The following IL1RAPL2 variants were observed in gnomAD, a reference collection of about 807,000 sequenced individuals.
IL1RAPL2 encodes X-linked interleukin-1 receptor accessory protein-like 2.
Under a neutral mutation model 44.1 loss-of-function variants are expected in IL1RAPL2, and 3 were observed. The observed-to-expected ratio is 0.07, with a 90% CI of 0.03 to 0.18. The LOEUF (loss-of-function observed/expected upper bound fraction) is 0.18. IL1RAPL2 is among the 10% of genes least tolerant of loss of function. The pLI is 1.00. For synonymous variants in IL1RAPL2, 181 were observed against 178.8 expected, an observed-to-expected ratio of 1.01 and a Z score of -0.10; for missense variants, 391 against 496.4, an observed-to-expected ratio of 0.79 and a Z score of 2.02.
At chrX:105,566,094 A>C (rs963199187) in intron 6 of IL1RAPL2, among the ~76,000 whole-genome samples, 9 of 111,302 alleles carry the variant, frequency 8.1e-5, no homozygotes, top group Non-Finnish European at 1.3e-4. Context: ...AGGAAAACAA[A>C]ACAAAGTGCT....
intron 6 of IL1RAPL2, among the ~76,000 whole-genome samples, chrX:105,503,470 A>G (rs1333339475): frequency 9.0e-6 from 1 of 111,702 alleles, no homozygotes; most frequent in Non-Finnish European, 1.9e-5. Flanking sequence ...AGAAAAAAGA[A>G]GGAAGCTGGC....
At chrX:104,943,077 G>T (rs1925235182) in intron 2 of IL1RAPL2, among the ~76,000 whole-genome samples, 1 of 111,412 alleles carries the variant, frequency 9.0e-6, no homozygotes, top group Admixed American at 9.6e-5. Flanking sequence ...TTTTTGATGT[G>T]CTGCTGGATT....
chrX:104,781,851 A>G (rs1932777074), intron 2 of IL1RAPL2, among the ~76,000 whole-genome samples: 1 of 111,842 alleles, frequency 8.9e-6, no homozygotes, highest in South Asian at 3.8e-4. Flanking sequence ...CGAAATTCAC[A>G]TGTTGGAACC....
At chrX:105,401,085 C>T (rs1458056762) in intron 5 of IL1RAPL2, among the ~76,000 whole-genome samples, 1 of 111,454 alleles carries the variant, frequency 9.0e-6, no homozygotes, top group Non-Finnish European at 1.9e-5. Flanking sequence ...AGAGGACAAA[C>T]TCATTCCTTT....
chrX:104,693,905 C>T (rs1931136322), intron 2 of IL1RAPL2, among the ~76,000 whole-genome samples: 1 of 111,742 alleles, frequency 8.9e-6, no homozygotes, highest in Non-Finnish European at 1.9e-5. Flanking sequence ...GGATTGATTC[C>T]ATAATGCAGA....
intron 5 of IL1RAPL2, among the ~76,000 whole-genome samples, chrX:105,348,229 G>C (rs2035125829): frequency 9.0e-6 from 1 of 111,548 alleles, no homozygotes; most frequent in Non-Finnish European, 1.9e-5. Flanking sequence ...CACACCCCTA[G>C]TGCTAGGTCA....
Position 105,099,453 on chromosome X carries a change from CTTTTTTTT to C in IL1RAPL2, c.83-96000_83-95993del, listed in dbSNP as rs36063657. Among the ~76,000 whole-genome samples the C allele has an allele frequency of 8.8e-3, 315 of 35,845 alleles. 5 individuals are homozygous for C. Among genetic ancestry groups the C allele is most frequent in the African/African-American group, 0.028 (301 of 10,660 alleles). The allele number at this position is 35,845 out of a possible 115,157, so 31.1% of individuals were successfully genotyped here. ...AGACGGGTGGGAGAGGTGCCACATA[CTTTTTTTT>C]TTTTTTTTTTTTTTTTTTTTTGAGA... On this transcript the variant is annotated intron_variant, in intron 2 of 10. Coordinates refer to ENST00000372582, the MANE Select transcript of IL1RAPL2 (RefSeq NM_017416.2).
chrX:105,327,628 G>A (rs970823045), intron 5 of IL1RAPL2, among the ~76,000 whole-genome samples: 1 of 111,618 alleles, frequency 9.0e-6, no homozygotes, highest in Non-Finnish European at 1.9e-5. Context: ...AGATATCTGT[G>A]TGCATCCTCC....
intron 2 of IL1RAPL2, among the ~76,000 whole-genome samples, chrX:104,676,438 T>C (rs1264458714): frequency 1.8e-5 from 2 of 112,010 alleles, no homozygotes; most frequent in African/African-American, 3.2e-5. Flanking sequence ...CCCACTCTCT[T>C]CTGGCTTATA....
chrX:104,753,061 C>T (rs1418341847), intron 2 of IL1RAPL2, among the ~76,000 whole-genome samples: 1 of 109,535 alleles, frequency 9.1e-6, no homozygotes, highest in East Asian at 2.9e-4. Context: ...GGCCAGAGTC[C>T]TTATCAATAA....
rs782598547 is a variant in IL1RAPL2 at position 105,205,971 on chromosome X, G to T, written c.356+10223G>T. ...TTGTGGTGGTAGCTATAAAAATAGGGAGACATGAATGAATCCCAGATATAT... is the reference window on the plus strand; with the variant it reads ...TTGTGGTGGTAGCTATAAAAATAGGTAGACATGAATGAATCCCAGATATAT... On this transcript the variant is annotated intron_variant, in intron 3 of 10. Coordinates refer to ENST00000372582, the MANE Select transcript of IL1RAPL2 (RefSeq NM_017416.2). Among the ~76,000 whole-genome samples, 3 of 110,454 alleles carry T rather than the reference G, an allele frequency of 2.7e-5. No homozygotes were observed. The East Asian group carries it at 8.6e-4, about 32-fold the overall frequency.
intron 2 of IL1RAPL2, among the ~76,000 whole-genome samples, chrX:104,848,823 G>T (rs1418429950): frequency 9.1e-6 from 1 of 109,825 alleles, no homozygotes; most frequent in Non-Finnish European, 1.9e-5. Context: ...AAATTATTTA[G>T]TTTTTTAAAT....
At chrX:104,973,655 T>A (rs1216402835) in intron 2 of IL1RAPL2, among the ~76,000 whole-genome samples, 1 of 111,943 alleles carries the variant, frequency 8.9e-6, no homozygotes, top group African/African-American at 3.2e-5. Context: ...TTTTAAAGAG[T>A]CAATTATAAA....
At chrX:105,187,402 A>G (rs1217671844) in intron 2 of IL1RAPL2, among the ~76,000 whole-genome samples, 1 of 111,204 alleles carries the variant, frequency 9.0e-6, no homozygotes, top group African/African-American at 3.3e-5. Context: ...ATATTCCACC[A>G]TGTTGGCTTA....
intron 2 of IL1RAPL2, among the ~76,000 whole-genome samples, chrX:105,050,389 C>G (rs2031903254): frequency 8.9e-6 from 1 of 112,089 alleles, no homozygotes; most frequent in African/African-American, 3.2e-5. Flanking sequence ...CATTGATATT[C>G]TATCTTTATG....
At chrX:104,570,468 T>A (rs1928125352) in intron 1 of IL1RAPL2, among the ~76,000 whole-genome samples, 1 of 111,442 alleles carries the variant, frequency 9.0e-6, no homozygotes, top group Non-Finnish European at 1.9e-5. Flanking sequence ...GGCGGGAGGA[T>A]CACTTGAGCC....
intron 2 of IL1RAPL2, among the ~76,000 whole-genome samples, chrX:105,172,760 A>G (rs2033435530): frequency 9.0e-6 from 1 of 111,684 alleles, no homozygotes; most frequent in African/African-American, 3.3e-5. Flanking sequence ...ATGTAACATT[A>G]CCACAGAAGT....
At chrX:104,982,273 A>G (rs2030455992) in intron 2 of IL1RAPL2, among the ~76,000 whole-genome samples, 3 of 111,121 alleles carry the variant, frequency 2.7e-5, no homozygotes, top group African/African-American at 9.8e-5. Flanking sequence ...CTTCAAGGTA[A>G]GTCCCATCTC....
At chrX:105,052,936 A>G (rs1436338041) in intron 2 of IL1RAPL2, among the ~76,000 whole-genome samples, 2 of 110,349 alleles carry the variant, frequency 1.8e-5, no homozygotes, top group Non-Finnish European at 3.8e-5. Context: ...AAGTGTTCTG[A>G]TTGTTCAACT....
Sources: gnomAD v4.1 joint callset for allele counts (sites outside exome capture counted in the v4.1 genomes callset) on GRCh38, gnomAD v4.1.1 for gene constraint, MANE v1.5 for transcripts, NCBI Gene and HGNC (gene_info 2026-07-23, HGNC 2026-07-21) for gene names.